Variants in LMBR1 observed in about 807,000 individuals in gnomAD.
The protein encoded by LMBR1 is limb region 1 protein homolog.
A neutral mutation model predicts 73.9 loss-of-function variants in LMBR1; 52 were observed. The observed-to-expected ratio is 0.70, with a 90% CI of 0.56 to 0.89. The LOEUF (loss-of-function observed/expected upper bound fraction) is 0.89. Ranked by LOEUF, LMBR1 falls within the 40% of genes least tolerant of loss-of-function variation. LMBR1 has a pLI of 0.00. For synonymous variants in LMBR1, 215 were observed against 209.4 expected (o/e 1.03, Z -0.23); for missense variants, 539 against 579.8 (o/e 0.93, Z 0.72).
chr7:156,807,640 T>C (rs552556022), intron 4 of LMBR1, among the ~76,000 whole-genome samples: 2 of 152,328 alleles, frequency 1.3e-5, no homozygotes, highest in South Asian at 4.1e-4. Flanking sequence ...TTCTATTTCA[T>C]TGATTTCCTC....
intron 9 of LMBR1, among the ~76,000 whole-genome samples, chr7:156,746,891 A>C (rs1280542600): frequency 6.6e-6 from 1 of 152,188 alleles, no homozygotes; most frequent in Non-Finnish European, 1.5e-5. Context: ...TCATTACTTT[A>C]TTTCCAAATG....
chr7:156,728,775 T>C, intron 10 of LMBR1, 55 bp from the exon 11 acceptor site: 1 of 1,192,148 alleles, frequency 8.4e-7, no homozygotes, highest in East Asian at 2.4e-5. Context: ...AACATTTTCC[T>C]TCCATAATGC....
chr7:156,801,483 G>C (rs923377818), intron 4 of LMBR1, among the ~76,000 whole-genome samples: 1 of 152,114 alleles, frequency 6.6e-6, no homozygotes, highest in African/African-American at 2.4e-5. Context: ...CAGTACACTG[G>C]AACCAACCCT....
intron 8 of LMBR1, among the ~76,000 whole-genome samples, chr7:156,760,275 CAAGTT>C (rs113462778): frequency 0.04 from 6,115 of 152,108 alleles, 388 homozygotes; most frequent in African/African-American, 0.14. Context: ...TAATAAGAGA[CAAGTT>C]AAGGAGAAAA....
At chr7:156,750,997 C>T (rs1197440067) in intron 9 of LMBR1, among the ~76,000 whole-genome samples, 2 of 152,028 alleles carry the variant, frequency 1.3e-5, no homozygotes, top group African/African-American at 4.8e-5. Flanking sequence ...GTAGTCTTAG[C>T]TACTCAAGAG....
rs958391714 is a variant in LMBR1, at chr7:156,685,296, G to C, written c.1388-1133C>G. Among the ~76,000 whole-genome samples, 1 of 152,200 alleles carries C rather than the reference G, an allele frequency of 6.6e-6. No individual in the cohort carries two copies. Among genetic ancestry groups the C allele is most frequent in the African/African-American group, 2.4e-5 (1 of 41,438 alleles). ...AAATGTAAGAGCTTCTGTGGCACTG[G>C]AGCGTCAAGCACTTTAATAAAAATG... On this transcript the variant is annotated intron_variant, in intron 16 of 16. Coordinates refer to ENST00000353442, the MANE Select transcript of LMBR1 (RefSeq NM_022458.4). This position sits in a 1 kb window ranked among gnomAD's most constrained non-coding sequence, Gnocchi z 4.1.
intron 4 of LMBR1, among the ~76,000 whole-genome samples, chr7:156,806,214 A>C (rs1405957854): frequency 4.6e-5 from 7 of 152,236 alleles, no homozygotes; most frequent in Admixed American, 1.3e-4. Flanking sequence ...CGCATCCCTA[A>C]GTATTTCGTA....
intron 15 of LMBR1, among the ~76,000 whole-genome samples, 177 bp downstream of exon 15, chr7:156,723,935 A>G (rs936693536): frequency 1.8e-4 from 28 of 152,296 alleles, no homozygotes; most frequent in Admixed American, 8.5e-4. Flanking sequence ...TTATTTGATA[A>G]AAGTATTTGT....
Position 156,805,281 on chromosome 7 carries a change from G to A in LMBR1, c.320-8789C>T, listed in dbSNP as rs112781112. 9.6e-4 allele frequency among the ~76,000 whole-genome samples: 139 copies of A among 145,198 alleles called. 2 individuals are homozygous for A. The highest frequency in any genetic ancestry group is 3.6e-3 in the Middle Eastern group (1 of 278). The stretch of plus-strand genomic sequence containing the variant: ...CATCCAGGCTGGAGTGCAGTGGCAC[G>A]TCTCGGCTCACTGCAACCTCCGCCT... On this transcript the variant is annotated intron_variant, in intron 4 of 16. Transcript: ENST00000353442.
intron 9 of LMBR1, among the ~76,000 whole-genome samples, chr7:156,735,391 C>T (rs531094884): frequency 9.9e-5 from 15 of 151,980 alleles, no homozygotes. Context: ...TATTTCTATG[C>T]ATTTATCACC....
Position 156,684,013 on chromosome 7 carries a change from G to T in LMBR1, c.*65C>A. ...GTTGAATGGAAATGCTTCTACATGGGACAGGAATGTCGTGAATCTGGAGTT... is the reference window on the plus strand; with the variant it reads ...GTTGAATGGAAATGCTTCTACATGGTACAGGAATGTCGTGAATCTGGAGTT... On this transcript the variant is annotated 3_prime_UTR_variant, in exon 17 of 17. Transcript: ENST00000353442. 1 of 1,301,728 alleles carries T rather than the reference G, an allele frequency of 7.7e-7. No homozygotes were observed. The highest frequency in any genetic ancestry group is 1.2e-5 in the South Asian group (1 of 84,408). The allele number at this position is 1,301,728 out of a possible 1,614,324, so 80.6% of individuals were successfully genotyped here. A position where few individuals can be genotyped will look rare whatever the true frequency, so the allele number is the denominator to read the frequency against.
intron 15 of LMBR1, among the ~76,000 whole-genome samples, chr7:156,719,362 T>C (rs1813992115): frequency 6.6e-6 from 1 of 152,168 alleles, no homozygotes; most frequent in South Asian, 2.1e-4. Flanking sequence ...GTGCCACATT[T>C]TCTTAATCCA....
At chr7:156,773,382 C>T (rs1825559709) in intron 5 of LMBR1, among the ~76,000 whole-genome samples, 1 of 152,036 alleles carries the variant, frequency 6.6e-6, no homozygotes, top group African/African-American at 2.4e-5. Flanking sequence ...CCCATATAGT[C>T]AAAGCAATCC....
chr7:156,710,440 A>G (rs1349805856), intron 15 of LMBR1, among the ~76,000 whole-genome samples: 1 of 152,182 alleles, frequency 6.6e-6, no homozygotes, highest in East Asian at 1.9e-4. Context: ...GAGCTCAAAA[A>G]CAAGGCTTTC....
At chr7:156,701,497 T>C (rs1020073255) in intron 15 of LMBR1, among the ~76,000 whole-genome samples, 2 of 152,220 alleles carry the variant, frequency 1.3e-5, no homozygotes, top group Admixed American at 6.5e-5. Context: ...AACTAATTTA[T>C]AGTTATACAA....
At chr7:156,764,266 C>T (rs534201273) in intron 5 of LMBR1, among the ~76,000 whole-genome samples, 1 of 152,278 alleles carries the variant, frequency 6.6e-6, no homozygotes, top group South Asian at 2.1e-4. Flanking sequence ...CTCTACTGTG[C>T]CGCTGAAGAA....
At chr7:156,779,741 G>T in intron 5 of LMBR1, 2 of 1,278,992 alleles carry the variant, frequency 1.6e-6, no homozygotes, top group Non-Finnish European at 2.0e-6. Context: ...TCCTGTAAGG[G>T]ATGTAAAAAC....
At chr7:156,882,717 A>G (rs570715003) in intron 1 of LMBR1, among the ~76,000 whole-genome samples, 1 of 151,956 alleles carries the variant, frequency 6.6e-6, no homozygotes, top group Admixed American at 6.5e-5. Context: ...ACCTATAATC[A>G]ACAATATAAT....
At chr7:156,697,672 C>T (rs916471917) in intron 15 of LMBR1, among the ~76,000 whole-genome samples, 5 of 152,144 alleles carry the variant, frequency 3.3e-5, no homozygotes, top group Non-Finnish European at 7.4e-5. Context: ...TCTTTCTGCC[C>T]GACCCCGCAG....
Sources: gnomAD v4.1 joint callset for allele counts (sites outside exome capture counted in the v4.1 genomes callset) on GRCh38, gnomAD v4.1.1 for gene constraint, Gnocchi (gnomAD v3.1) non-coding constraint, MANE v1.5 for transcripts, NCBI Gene and HGNC (gene_info 2026-07-23, HGNC 2026-07-21) for gene names.